The following FAM135B variants were observed in gnomAD, a reference collection of about 807,000 sequenced individuals.
FAM135B encodes family with sequence similarity 135 member B.
A neutral mutation model predicts 127.7 loss-of-function variants in FAM135B; 43 were observed. The observed-to-expected ratio is 0.34, with a 90% confidence interval of 0.26 to 0.43. The LOEUF (loss-of-function observed/expected upper bound fraction) is 0.43, where lower values mean the gene tolerates loss of function less well. Ranked by LOEUF, FAM135B falls within the 20% of genes least tolerant of loss-of-function variation. The probability of loss-of-function intolerance (pLI) is 1.00; values close to 1 mark genes in which losing one functional copy is unlikely to be tolerated. For synonymous variants in FAM135B, 670 were observed against 665.1 expected (o/e 1.01, Z -0.11); for missense variants, 1,558 against 1,725.6 (o/e 0.90, Z 1.72).
intron 3 of FAM135B, among the ~76,000 whole-genome samples, chr8:138,281,478 A>AT (rs1563853037): frequency 6.6e-6 from 1 of 150,572 alleles, no homozygotes; most frequent in African/African-American, 2.4e-5. Flanking sequence ...AAAAAAAAAA[A>AT]TCCTATTGAG....
At chr8:138,202,082 G>A (rs776758603) in intron 7 of FAM135B, among the ~76,000 whole-genome samples, 4 of 126,708 alleles carry the variant, frequency 3.2e-5, no homozygotes, top group African/African-American at 1.2e-4. Flanking sequence ...CAAAGATCAC[G>A]CCATTGCACT....
intron 3 of FAM135B, among the ~76,000 whole-genome samples, chr8:138,297,669 T>A (rs376425815): frequency 4.6e-5 from 7 of 152,238 alleles, no homozygotes; most frequent in Admixed American, 6.5e-5. Context: ...GCTGGGAGTA[T>A]GAAGAGAAGG....
At chr8:138,278,320 T>A (rs944748638) in intron 3 of FAM135B, among the ~76,000 whole-genome samples, 11 of 151,350 alleles carry the variant, frequency 7.3e-5, no homozygotes, top group African/African-American at 2.7e-4. Flanking sequence ...GAGAAAATTC[T>A]ACATCCACTA....
chr8:138,153,746 T>C (rs1242938121), intron 12 of FAM135B, among the ~76,000 whole-genome samples: 1 of 152,060 alleles, frequency 6.6e-6, no homozygotes, highest in Non-Finnish European at 1.5e-5. Context: ...GGGAGGGGTG[T>C]CCACCATTGC....
At chr8:138,339,308 A>G (rs186608192) in intron 2 of FAM135B, among the ~76,000 whole-genome samples, 1 of 151,800 alleles carries the variant, frequency 6.6e-6, no homozygotes, top group Admixed American at 6.6e-5. Flanking sequence ...GTTAGGTGGC[A>G]TTTACTCAGA....
intron 12 of FAM135B, among the ~76,000 whole-genome samples, chr8:138,159,959 C>A (rs1198591063): frequency 6.6e-6 from 1 of 152,146 alleles, no homozygotes; most frequent in African/African-American, 2.4e-5. Context: ...GCTGGAAAGA[C>A]CAATCATGTG....
chr8:138,438,715 A>G (rs546723807), intron 1 of FAM135B: 1 of 152,344 alleles, frequency 6.6e-6, no homozygotes, highest in African/African-American at 2.4e-5. Flanking sequence ...ACTGAACTGG[A>G]TTCTTGCCAA....
At chr8:138,195,907 C>T (rs1019958296) in intron 8 of FAM135B, among the ~76,000 whole-genome samples, 1 of 152,180 alleles carries the variant, frequency 6.6e-6, no homozygotes, top group Admixed American at 6.5e-5. Flanking sequence ...GTCATTTGCA[C>T]ACGGCTCTGG....
intron 7 of FAM135B, among the ~76,000 whole-genome samples, chr8:138,217,232 G>A (rs752435271): frequency 2.0e-5 from 3 of 152,076 alleles, no homozygotes; most frequent in African/African-American, 7.2e-5. Context: ...ATGAAATAAT[G>A]TGCTTCATGG....
At position 138,479,590 on chromosome 8, in the gene FAM135B, A is replaced by G. The variant is rs144200099; in HGVS notation, c.-20+17081T>C. On this transcript the variant is annotated intron_variant, in intron 1 of 19. Transcript: ENST00000395297. The stretch of plus-strand genomic sequence containing the variant: ...ACTGAGGACTAAAATAAAAATTTAT[A>G]TTTCTTATATCACAATATCATACAA... Among the ~76,000 whole-genome samples the G allele has an allele frequency of 3.9e-5, 6 of 152,304 alleles. No individual in the cohort carries two copies. The East Asian group carries it at 1.2e-3, about 29-fold the overall frequency.
intron 9 of FAM135B, among the ~76,000 whole-genome samples, chr8:138,192,167 C>T (rs1586733349): frequency 1.3e-5 from 2 of 152,334 alleles, no homozygotes; most frequent in African/African-American, 2.4e-5. Flanking sequence ...TGCCAGCTTA[C>T]TGGCTAAGAG....
At chr8:138,398,745 T>C (rs868288606) in intron 1 of FAM135B, among the ~76,000 whole-genome samples, 1 of 152,168 alleles carries the variant, frequency 6.6e-6, no homozygotes, top group Non-Finnish European at 1.5e-5. Context: ...AAGCCTATGA[T>C]GAAAAGATGT....
intron 3 of FAM135B, among the ~76,000 whole-genome samples, chr8:138,266,163 G>A (rs1377876309): frequency 6.6e-6 from 1 of 152,032 alleles, no homozygotes; most frequent in Non-Finnish European, 1.5e-5. Context: ...CCTTCTCTGT[G>A]AAGCATTCCA....
At position 138,241,608 on chromosome 8, in the gene FAM135B, A is replaced by G. The variant is rs1037610755; in HGVS notation, c.669+1334T>C. On this transcript the variant is annotated intron_variant, in intron 7 of 19. Transcript: ENST00000395297. The surrounding 1 kb of genome is among the most constrained non-coding windows in gnomAD (Gnocchi z 4.8). The stretch of plus-strand genomic sequence containing the variant: ...GAGTGCATTACCTAATATTCTGAAC[A>G]GTCTGTGCACAGAGCCTGACTGTAT... Among the ~76,000 whole-genome samples, 1 of 152,204 alleles carries G rather than the reference A, an allele frequency of 6.6e-6. No individual in the cohort carries two copies. Among genetic ancestry groups the G allele is most frequent in the African/African-American group, 2.4e-5 (1 of 41,466 alleles).
At chr8:138,219,953 T>C (rs1448510249) in intron 7 of FAM135B, among the ~76,000 whole-genome samples, 2 of 152,134 alleles carry the variant, frequency 1.3e-5, no homozygotes, top group African/African-American at 4.8e-5. Flanking sequence ...GATTTTAATA[T>C]ATTAACTCAT....
At chr8:138,175,309 C>T (rs1282323268) in intron 11 of FAM135B, among the ~76,000 whole-genome samples, 1 of 147,310 alleles carries the variant, frequency 6.8e-6, no homozygotes, top group Non-Finnish European at 1.5e-5. Context: ...ATTCTAGCTA[C>T]ACTTGCCTTC....
chr8:138,374,638 C>A, intron 1 of FAM135B, among the ~76,000 whole-genome samples: 1 of 152,136 alleles, frequency 6.6e-6, no homozygotes, highest in Non-Finnish European at 1.5e-5. Flanking sequence ...CAGAATTCAG[C>A]AAGGAAAACA....
Position 138,177,432 on chromosome 8 carries a change from A to T in FAM135B, c.1030-12T>A. 6.2e-7 allele frequency: 1 copy of T among 1,607,960 alleles called. No homozygotes were observed. The highest frequency in any genetic ancestry group is 8.5e-7 in the Non-Finnish European group (1 of 1,176,128). On this transcript the variant is annotated splice_polypyrimidine_tract_variant and intron_variant, in intron 10 of 19. Coordinates refer to ENST00000395297, the MANE Select transcript of FAM135B (RefSeq NM_015912.4). The stretch of plus-strand genomic sequence containing the variant: ...GAAAACCTTCGGACCTGCAGAATAA[A>T]ACAATGTAAACAGTTCAATTCTTTA...
intron 10 of FAM135B, 115 bp from the exon 11 acceptor site, chr8:138,177,535 C>T: frequency 1.1e-6 from 1 of 903,232 alleles, no homozygotes. Flanking sequence ...AGGAAGAGAG[C>T]CAGGCCCCTG....
Sources: allele counts gnomAD v4.1 joint callset (sites outside exome capture counted in the v4.1 genomes callset), GRCh38; gene constraint gnomAD v4.1.1; non-coding constraint Gnocchi (gnomAD v3.1); transcripts MANE v1.5; gene names NCBI Gene and HGNC (gene_info 2026-07-23, HGNC 2026-07-21).